The following ARID4A variants were observed in gnomAD, a reference collection of about 807,000 sequenced individuals.
ARID4A encodes AT-rich interactive domain-containing protein 4A.
A neutral mutation model predicts 148.6 loss-of-function variants in ARID4A; 39 were observed. That is an observed-to-expected ratio of 0.26 (90% CI 0.20 to 0.34). The LOEUF (loss-of-function observed/expected upper bound fraction) is 0.34. ARID4A is among the 10% of genes least tolerant of loss of function. The pLI is 1.00. For missense variants in ARID4A, 1,265 were observed against 1,449.1 expected, an observed-to-expected ratio of 0.87 and a Z score of 2.06; for synonymous variants, 475 against 481.2, an observed-to-expected ratio of 0.99 and a Z score of 0.17.
At chr14:58,328,413 G>A (rs541640545) in intron 9 of ARID4A, 97 bp downstream of exon 9, 19 of 810,602 alleles carry the variant, frequency 2.3e-5, no homozygotes, top group Non-Finnish European at 3.5e-5. Context: ...ATTTTTAAAA[G>A]TCTAATCATT....
At chr14:58,322,509 CTG>C (rs2032956858) in intron 7 of ARID4A, among the ~76,000 whole-genome samples, 1 of 152,004 alleles carries the variant, frequency 6.6e-6, no homozygotes, top group African/African-American at 2.4e-5. Context: ...ATAAAGAAAA[CTG>C]TGGAGTCTCA....
intron 5 of ARID4A, among the ~76,000 whole-genome samples, chr14:58,317,018 C>T (rs1207572257): frequency 6.6e-6 from 1 of 150,732 alleles, no homozygotes; most frequent in Non-Finnish European, 1.5e-5. Context: ...TGGTGAAACC[C>T]CATCTCTACT....
chr14:58,321,399 G>C (rs1418622566), intron 7 of ARID4A, among the ~76,000 whole-genome samples: 2 of 152,108 alleles, frequency 1.3e-5, no homozygotes, highest in Admixed American at 1.3e-4. Context: ...TTACAATTCA[G>C]GTTGTTCCAG....
At chr14:58,321,440 A>G (rs1158177609) in intron 7 of ARID4A, among the ~76,000 whole-genome samples, 1 of 152,208 alleles carries the variant, frequency 6.6e-6, no homozygotes, top group Non-Finnish European at 1.5e-5. Flanking sequence ...GAGCCTTTCC[A>G]GGATGGCTTC....
At chr14:58,309,557 A>C (rs1435914121) in intron 5 of ARID4A, among the ~76,000 whole-genome samples, 1 of 152,248 alleles carries the variant, frequency 6.6e-6, no homozygotes, top group Non-Finnish European at 1.5e-5. Flanking sequence ...TAATATGTCC[A>C]GTTAAATGTT....
At chr14:58,347,449 G>A (rs980759436) in intron 14 of ARID4A, among the ~76,000 whole-genome samples, 198 bp from the exon 15 acceptor site, 3 of 152,152 alleles carry the variant, frequency 2.0e-5, no homozygotes, top group Non-Finnish European at 2.9e-5. Flanking sequence ...AAGCTCAGAC[G>A]TCTCAGGACG....
At chr14:58,334,113 A>G (rs2033675610) in intron 11 of ARID4A, among the ~76,000 whole-genome samples, 1 of 152,162 alleles carries the variant, frequency 6.6e-6, no homozygotes, top group African/African-American at 2.4e-5. Flanking sequence ...TCATCTAATC[A>G]GATTAATGAG....
chr14:58,349,027 A>G (rs1349070090), intron 15 of ARID4A, among the ~76,000 whole-genome samples: 1 of 151,926 alleles, frequency 6.6e-6, no homozygotes. Context: ...TTCCTCCCCA[A>G]CCCTTAGCAA....
chr14:58,372,220 C>T lies in ARID4A; in HGVS notation c.*231C>T, dbSNP rs2035644265. ...GCCTGCCATATTTGTCATAATTTTT[C>T]CTCTTTACTTTTGTTTTTCGTTTGT... On this transcript the variant is annotated 3_prime_UTR_variant, in exon 24 of 24. Transcript: ENST00000355431. The T allele has an allele frequency of 4.7e-6, 2 of 421,834 alleles. No individual in the cohort carries two copies. The highest frequency in any genetic ancestry group is 4.3e-6 in the Non-Finnish European group (1 of 235,252). 26.1% of individuals were successfully genotyped at this position (421,834 alleles called of 1,614,324 possible).
intron 11 of ARID4A, among the ~76,000 whole-genome samples, chr14:58,342,796 C>T (rs1344998170): frequency 2.0e-5 from 3 of 152,048 alleles, no homozygotes; most frequent in Non-Finnish European, 2.9e-5. Context: ...GCCTGTAATC[C>T]CAGCTACTCA....
At chr14:58,359,266 A>G in intron 18 of ARID4A, 50 bp downstream of exon 18, 1 of 1,515,680 alleles carries the variant, frequency 6.6e-7, no homozygotes, top group East Asian at 2.3e-5. Flanking sequence ...AATTATCCAA[A>G]TTGTATTGTG....
rs1221456568 is a variant in ARID4A, at chr14:58,373,620, G to A, written c.*1631G>A. 5.7e-6 allele frequency: 1 copy of A among 175,954 alleles called. No homozygotes were observed. Among genetic ancestry groups the A allele is most frequent in the Admixed American group, 6.3e-5 (1 of 15,772 alleles). 10.9% of individuals were successfully genotyped at this position (175,954 alleles called of 1,614,324 possible). On this transcript the variant is annotated 3_prime_UTR_variant, in exon 24 of 24. Coordinates refer to ENST00000355431, the MANE Select transcript of ARID4A (RefSeq NM_002892.4). ...TCTCAGAGAATTAAAAACAAAAAAAGTACTCTTGTAAAATGCACTTTTCTG... is the reference window on the plus strand; with the variant it reads ...TCTCAGAGAATTAAAAACAAAAAAAATACTCTTGTAAAATGCACTTTTCTG...
At chr14:58,350,689 A>G (rs1490347676) in intron 15 of ARID4A, among the ~76,000 whole-genome samples, 2 of 152,216 alleles carry the variant, frequency 1.3e-5, no homozygotes, top group African/African-American at 4.8e-5. Context: ...TATTATTGTT[A>G]CGTTTTATCA....
At chr14:58,340,028 A>G (rs2034034833) in intron 11 of ARID4A, among the ~76,000 whole-genome samples, 1 of 152,174 alleles carries the variant, frequency 6.6e-6, no homozygotes, top group Non-Finnish European at 1.5e-5. Context: ...ACAATTCAAC[A>G]TGAGATTTGG....
intron 12 of ARID4A, among the ~76,000 whole-genome samples, chr14:58,345,577 A>G (rs988340553): frequency 2.0e-5 from 3 of 152,158 alleles, no homozygotes; most frequent in African/African-American, 7.2e-5. Flanking sequence ...ATCTTAAGAT[A>G]AATTGGTCCT....
chr14:58,350,763 A>G (rs1261756433), intron 15 of ARID4A, among the ~76,000 whole-genome samples: 5 of 152,214 alleles, frequency 3.3e-5, no homozygotes, highest in Non-Finnish European at 5.9e-5. Flanking sequence ...GTGAGATAAA[A>G]TGATGTAGTA....
intron 5 of ARID4A, among the ~76,000 whole-genome samples, chr14:58,311,950 TTAGG>T (rs1195806251): frequency 6.6e-6 from 1 of 151,702 alleles, no homozygotes; most frequent in Non-Finnish European, 1.5e-5. Context: ...GGGTGAGGGA[TTAGG>T]TAAATGTCGG....
chr14:58,307,966 C>T (rs1594868181), intron 5 of ARID4A, among the ~76,000 whole-genome samples: 1 of 151,218 alleles, frequency 6.6e-6, no homozygotes, highest in South Asian at 2.1e-4. Context: ...ATTTATATTG[C>T]ACCTTATATT....
At chr14:58,337,042 C>G (rs548544643) in intron 11 of ARID4A, among the ~76,000 whole-genome samples, 42 of 150,990 alleles carry the variant, frequency 2.8e-4, no homozygotes, top group Admixed American at 4.0e-4. Flanking sequence ...CAGGCATGTG[C>G]CACCATGCCC....
Sources: gnomAD v4.1 joint callset for allele counts (sites outside exome capture counted in the v4.1 genomes callset) on GRCh38, gnomAD v4.1.1 for gene constraint, MANE v1.5 for transcripts, NCBI Gene and HGNC (gene_info 2026-07-23, HGNC 2026-07-21) for gene names.